The following SEC23IP variants were observed in gnomAD, a reference collection of about 807,000 sequenced individuals.
The protein encoded by SEC23IP is SEC23 interacting protein.
SEC23IP carries 70 observed loss-of-function variants against 113.4 expected under a neutral mutation model. The ratio of observed to expected loss-of-function variants is 0.62; its 90% confidence interval spans 0.51 to 0.75. The LOEUF (loss-of-function observed/expected upper bound fraction) is 0.75, where lower values mean the gene tolerates loss of function less well. SEC23IP is among the 30% of genes least tolerant of loss of function. SEC23IP has a pLI of 0.00. For synonymous variants in SEC23IP, 398 were observed against 421.0 expected (o/e 0.95, Z 0.67); for missense variants, 1,160 against 1,204.9 (o/e 0.96, Z 0.55).
chr10:119,936,138 G>A lies in SEC23IP; in HGVS notation c.*20+2351G>A, dbSNP rs74383479. On this transcript the variant is annotated intron_variant, in intron 18 of 18. Coordinates refer to ENST00000369075, the MANE Select transcript of SEC23IP (RefSeq NM_007190.4). The stretch of plus-strand genomic sequence containing the variant: ...TTTACCCCATTGTTGGGTGTTAGAT[G>A]ATTTTCCAAATTTTCTCCATTATAA... 2.1e-3 allele frequency among the ~76,000 whole-genome samples: 319 copies of A among 152,248 alleles called. 3 individuals are homozygous for A. The highest frequency in any genetic ancestry group is 7.1e-3 in the African/African-American group (295 of 41,544).
At chr10:119,900,877 C>T (rs186465098) in intron 2 of SEC23IP, among the ~76,000 whole-genome samples, 42 of 151,998 alleles carry the variant, frequency 2.8e-4, no homozygotes, top group African/African-American at 9.9e-4. Flanking sequence ...CCATAGATAA[C>T]CACTGTTTTC....
In SEC23IP at chr10:119,943,278, AGT is replaced by A. The variant is rs1434094840; in HGVS notation, c.*2715_*2716del. On this transcript the variant is annotated 3_prime_UTR_variant, in exon 19 of 19. Coordinates refer to ENST00000369075, the MANE Select transcript of SEC23IP (RefSeq NM_007190.4). ...TCCCAGGGCTGGGTCCTCAGAGGAGAGTGGATAGAATTCAGTTCCTCTATGAG... is the reference window on the plus strand; with the variant it reads ...TCCCAGGGCTGGGTCCTCAGAGGAGAGGATAGAATTCAGTTCCTCTATGAG... 6.6e-6 allele frequency: 1 copy of A among 152,048 alleles called. No individual in the cohort carries two copies. Among genetic ancestry groups the A allele is most frequent in the Non-Finnish European group, 1.5e-5 (1 of 68,008 alleles). The allele number at this position is 152,048 out of a possible 1,614,324, so 9.4% of individuals were successfully genotyped here. A position where few individuals can be genotyped will look rare whatever the true frequency, so the allele number is the denominator to read the frequency against.
intron 1 of SEC23IP, among the ~76,000 whole-genome samples, chr10:119,893,629 C>T (rs1018936713): frequency 6.7e-6 from 1 of 150,356 alleles, no homozygotes; most frequent in Admixed American, 6.7e-5. Flanking sequence ...AAGTGATTCT[C>T]CTGCCTCAGC....
chr10:119,931,265 C>T (rs2134526080), intron 15 of SEC23IP, among the ~76,000 whole-genome samples: 1 of 122,098 alleles, frequency 8.2e-6, no homozygotes, highest in East Asian at 3.1e-4. Context: ...CCGAGAGACT[C>T]CGTCTCAAAA....
intron 1 of SEC23IP, among the ~76,000 whole-genome samples, chr10:119,897,727 G>A (rs559096549): frequency 6.6e-6 from 1 of 152,276 alleles, no homozygotes; most frequent in African/African-American, 2.4e-5. Context: ...GCTGGGCACG[G>A]GGGCTCATGC....
In SEC23IP at chr10:119,926,166, T is replaced by G; in HGVS notation, c.2252T>G (p.Val751Gly). ...ESNEPKRKLP[V>G]GACVSSVCVN... ...AATGAGCCAAAGAGGAAACTTCCAG[T>G]TGGTGCTTGCGTGTCTTCTGTGTGT... is the stretch of plus-strand genomic sequence containing the variant. Residue 751 changes from valine to glycine, a missense_variant, in exon 13 of 19, where the codon GTT becomes GGT. Val to Gly is a moderately radical substitution (Grantham distance 109). Transcript: ENST00000369075. 1.9e-6 allele frequency: 3 copies of G among 1,614,164 alleles called. No homozygotes were observed. The highest frequency in any genetic ancestry group is 2.5e-6 in the Non-Finnish European group (3 of 1,180,016).
intron 18 of SEC23IP, among the ~76,000 whole-genome samples, chr10:119,936,414 C>T (rs1461495060): frequency 6.6e-6 from 1 of 151,796 alleles, no homozygotes; most frequent in Non-Finnish European, 1.5e-5. Context: ...GAAAAATTAG[C>T]AGGGTGTGAT....
intron 18 of SEC23IP, among the ~76,000 whole-genome samples, chr10:119,935,493 A>G (rs1162223842): frequency 6.6e-6 from 1 of 151,962 alleles, no homozygotes; most frequent in Admixed American, 6.6e-5. Flanking sequence ...CAAAATTGAC[A>G]CACCGTTATT....
intron 12 of SEC23IP, among the ~76,000 whole-genome samples, chr10:119,921,194 G>T (rs1855240349): frequency 6.6e-6 from 1 of 152,184 alleles, no homozygotes. Flanking sequence ...GTTTTCCTGG[G>T]ACTAAGTTCC....
chr10:119,911,395 G>C (rs951319025), intron 5 of SEC23IP, among the ~76,000 whole-genome samples: 2 of 151,656 alleles, frequency 1.3e-5, no homozygotes, highest in Non-Finnish European at 2.9e-5. Context: ...CAAAGTGTTA[G>C]GATTACAGGC....
rs77931334 is a variant in SEC23IP, at chr10:119,903,144, C to T, written c.907+135C>T. 664 of 699,830 alleles carry T rather than the reference C, an allele frequency of 9.5e-4. 4 individuals carry two copies. The African/African-American group carries it at 9.9e-3, about 10-fold the overall frequency. The allele number at this position is 699,830 out of a possible 1,614,324, so 43.4% of individuals were successfully genotyped here. On this transcript the variant is annotated intron_variant, in intron 3 of 18. Transcript: ENST00000369075. ...CCCCAGACTCTGTACCTTAAGGTGACGATATTAGTATAAGTCCTGAGTTAC... is the reference window on the plus strand; with the variant it reads ...CCCCAGACTCTGTACCTTAAGGTGATGATATTAGTATAAGTCCTGAGTTAC...
rs557388670 is a variant in SEC23IP at position 119,898,872 on chromosome 10, G to C, written c.609G>C (p.Gln203His). 6.2e-7 allele frequency: 1 copy of C among 1,609,298 alleles called. No individual in the cohort carries two copies. Among genetic ancestry groups the C allele is most frequent in the East Asian group, 2.2e-5 (1 of 44,896 alleles). The change falls in exon 2 of 19, where the codon CAG (glutamine) becomes CAC (histidine). Residue 203 changes from glutamine to histidine, a missense_variant. Physicochemically the swap from Gln to His is conservative, Grantham distance 24. Transcript: ENST00000369075. ...NPYIAPPQLQ[Q>H]CQTPGPPAHP... Reference sequence around the variant, plus strand: ...ACATTGCACCACCCCAGCTGCAGCAGTGCCAAACACCAGGCCCTCCTGCTC... The same window carrying C: ...ACATTGCACCACCCCAGCTGCAGCACTGCCAAACACCAGGCCCTCCTGCTC...
chr10:119,930,374 T>C lies in SEC23IP; in HGVS notation c.2515T>C (p.Leu839=). The change falls in exon 15 of 19, where the codon TTG becomes CTG. Residue 839 remains leucine (L), a synonymous_variant. Coordinates refer to ENST00000369075, the MANE Select transcript of SEC23IP (RefSeq NM_007190.4). ...YRLEPMIVPD[L]DLKAVLIPHH... is the part of the protein sequence containing the mutation. ...ATTAGAACCTATGATTGTTCCAGAT[T>C]TGGACCTAAAAGCTGTTCTCATTCC... 7 of 1,612,030 alleles carry C rather than the reference T, an allele frequency of 4.3e-6. No homozygotes were observed. The highest frequency in any genetic ancestry group is 5.9e-6 in the Non-Finnish European group (7 of 1,178,496).
At chr10:119,926,355 C>A in intron 13 of SEC23IP, 128 bp downstream of exon 13, 2 of 1,007,016 alleles carry the variant, frequency 2.0e-6, no homozygotes, top group East Asian at 2.6e-5. Flanking sequence ...AACTGATTTT[C>A]TCTTAGTGAA....
At chr10:119,929,476 C>T (rs575047739) in intron 13 of SEC23IP, 131 bp from the exon 14 acceptor site, 17 of 674,844 alleles carry the variant, frequency 2.5e-5, no homozygotes, top group South Asian at 1.1e-4. Context: ...TCTCGTGATC[C>T]GCCCACCTTG....
At chr10:119,937,659 C>G (rs948826843) in intron 18 of SEC23IP, among the ~76,000 whole-genome samples, 5 of 151,524 alleles carry the variant, frequency 3.3e-5, no homozygotes, top group African/African-American at 7.3e-5. Flanking sequence ...AAACATAGCC[C>G]AGTCTTTTAT....
chr10:119,932,221 G>C lies in SEC23IP; in HGVS notation c.2661G>C (p.Glu887Asp), dbSNP rs1011113991. Reference protein sequence around the residue: ...SLKSAWQTLNEFARAHTSSTQ... With the variant: ...SLKSAWQTLNDFARAHTSSTQ... ...AAAGTGCTTGGCAGACATTAAATGA[G>C]TTTGCCCGTGCTCATACGTCTTCAA... Residue 887 changes from glutamate to aspartate, a missense_variant, in exon 16 of 19, where the codon GAG becomes GAC. Transcript: ENST00000369075. 1 of 1,613,476 alleles carries C rather than the reference G, an allele frequency of 6.2e-7. No homozygotes were observed. The highest frequency in any genetic ancestry group is 8.5e-7 in the Non-Finnish European group (1 of 1,179,540).
At position 119,941,609 on chromosome 10, in the gene SEC23IP, G is replaced by C. The variant is rs1855966299; in HGVS notation, c.*1044G>C. On this transcript the variant is annotated 3_prime_UTR_variant, in exon 19 of 19. Transcript: ENST00000369075. Reference sequence around the variant, plus strand: ...TTTTGTTACGTAGTGGAAACATTTTGCATTGTTTACATAGTTCTCATGGAA... The same window carrying C: ...TTTTGTTACGTAGTGGAAACATTTTCCATTGTTTACATAGTTCTCATGGAA... 1 of 152,530 alleles carries C rather than the reference G, an allele frequency of 6.6e-6. No individual in the cohort carries two copies. Among genetic ancestry groups the C allele is most frequent in the African/African-American group, 2.4e-5 (1 of 41,422 alleles). The allele number at this position is 152,530 out of a possible 1,614,324, so 9.4% of individuals were successfully genotyped here.
In SEC23IP at chr10:119,898,717, A is replaced by G. The variant is rs759736376; in HGVS notation, c.454A>G (p.Ile152Val). The G allele has an allele frequency of 5.0e-6, 8 of 1,614,228 alleles. No individual in the cohort carries two copies. Among genetic ancestry groups the G allele is most frequent in the African/African-American group, 1.3e-5 (1 of 75,056 alleles). Reference protein sequence around the residue: ...PGAPPSSLMGINSYLPSQPSS... With the variant: ...PGAPPSSLMGVNSYLPSQPSS... ...TGCTCCACCTTCCTCACTGATGGGA[A>G]TAAATTCTTATCTGCCTTCTCAGCC... The change falls in exon 2 of 19, where the codon ATA (isoleucine) becomes GTA (valine). Residue 152 changes from isoleucine (I) to valine (V), a missense_variant. Physicochemically the swap from Ile to Val is conservative, Grantham distance 29. Transcript: ENST00000369075.
Sources: gnomAD v4.1 joint callset for allele counts (sites outside exome capture counted in the v4.1 genomes callset) on GRCh38, gnomAD v4.1.1 for gene constraint, MANE v1.5 for transcripts, NCBI Gene and HGNC (gene_info 2026-07-23, HGNC 2026-07-21) for gene names.